The following DMD variants were observed in gnomAD, a reference collection of about 807,000 sequenced individuals.
DMD encodes mutant dystrophin.
Under a neutral mutation model 330.1 loss-of-function variants are expected in DMD, and 63 were observed. The ratio of observed to expected loss-of-function variants is 0.19; its 90% confidence interval spans 0.16 to 0.24. The LOEUF is 0.24. Among genes scored for constraint, DMD ranks in the 10% least tolerant of loss-of-function variants. The pLI is 1.00. For missense variants in DMD, 3,344 were observed against 2,684.1 expected (o/e 1.25, Z -5.43); for synonymous variants, 1,223 against 959.8 (o/e 1.27, Z -5.07).
chrX:31,363,372 CTTTTTTTTTTT>C (rs752548187), intron 60 of DMD, among the ~76,000 whole-genome samples: 5 of 51,881 alleles, frequency 9.6e-5, no homozygotes, highest in South Asian at 1.3e-3. Flanking sequence ...AGACATGTAT[CTTTTTTTTTTT>C]TTTTTTTTTT....
chrX:33,299,015 G>A (rs1392686854), intron 1 of DMD, among the ~76,000 whole-genome samples: 1 of 111,481 alleles, frequency 9.0e-6, no homozygotes, highest in African/African-American at 3.3e-5. Context: ...CAACTTCACA[G>A]AATATATTTC....
At chrX:33,146,717 T>C (rs953602772) in intron 1 of DMD, among the ~76,000 whole-genome samples, 2 of 112,201 alleles carry the variant, frequency 1.8e-5, no homozygotes, top group African/African-American at 3.2e-5. Context: ...TGGATGCAGA[T>C]AATTAACATC....
intron 63 of DMD, among the ~76,000 whole-genome samples, chrX:31,252,266 T>C (rs894108473): frequency 3.6e-5 from 4 of 112,374 alleles, no homozygotes; most frequent in Non-Finnish European, 7.5e-5. Context: ...GTAAATCTCC[T>C]GTGCTAATTT....
chrX:32,874,781 G>GC (rs1489684413), intron 2 of DMD, among the ~76,000 whole-genome samples: 1 of 111,466 alleles, frequency 9.0e-6, no homozygotes, highest in Non-Finnish European at 1.9e-5. Context: ...CACTCTGGGA[G>GC]CCCTAAGATG....
chrX:32,855,640 T>C (rs1287989485), intron 2 of DMD, among the ~76,000 whole-genome samples: 6 of 111,804 alleles, frequency 5.4e-5, no homozygotes, highest in Non-Finnish European at 9.4e-5. Flanking sequence ...GACCCTTATC[T>C]CTCGCCATAT....
chrX:31,135,786 C>A (rs2035145378), intron 76 of DMD, among the ~76,000 whole-genome samples: 1 of 112,461 alleles, frequency 8.9e-6, no homozygotes, highest in African/African-American at 3.2e-5. Flanking sequence ...TATTCAAGCT[C>A]TGTTTGTTTT....
rs144620823 is a variant in DMD, at chrX:31,560,056, A to G, written c.8218-52603T>C. On this transcript the variant is annotated intron_variant, in intron 55 of 78. Transcript: ENST00000357033. ...TAGCTCCTACAGGAAACACTTCATA[A>G]GTGTTGTTTTCTGTTAGATATCCTG... Among the ~76,000 whole-genome samples the G allele has an allele frequency of 7.5e-3, 840 of 111,876 alleles. 10 individuals are homozygous for G. Among genetic ancestry groups the G allele is most frequent in the African/African-American group, 0.025 (775 of 30,785 alleles).
intron 1 of DMD, among the ~76,000 whole-genome samples, chrX:33,194,240 C>A (rs1248921022): frequency 9.1e-6 from 1 of 110,265 alleles, no homozygotes. Flanking sequence ...CTACTCTTTT[C>A]CATTTCTCAA....
chrX:32,962,856 A>T (rs1444439554), intron 2 of DMD, among the ~76,000 whole-genome samples: 2 of 111,393 alleles, frequency 1.8e-5, no homozygotes, highest in Non-Finnish European at 3.8e-5. Flanking sequence ...GGACAAAATG[A>T]ATTTGAACCA....
At chrX:32,744,840 G>A (rs1321086393) in intron 7 of DMD, among the ~76,000 whole-genome samples, 1 of 111,851 alleles carries the variant, frequency 8.9e-6, no homozygotes, top group South Asian at 3.7e-4. Context: ...TCTCAAATAC[G>A]TATGATTTTA....
chrX:33,002,386 G>A (rs771268850), intron 2 of DMD, among the ~76,000 whole-genome samples: 3 of 111,028 alleles, frequency 2.7e-5, no homozygotes, highest in Admixed American at 1.9e-4. Flanking sequence ...CCCAGATAAA[G>A]AAAATCTTCT....
intron 2 of DMD, among the ~76,000 whole-genome samples, chrX:33,010,204 G>GTACATA (rs1569549263): frequency 5.3e-4 from 48 of 89,729 alleles, no homozygotes; most frequent in Middle Eastern, 6.3e-3. Context: ...ATATGCATAT[G>GTACATA]TGTGTGTATA....
chrX:33,267,708 A>C (rs764930334), intron 1 of DMD, among the ~76,000 whole-genome samples: 4 of 110,983 alleles, frequency 3.6e-5, no homozygotes, highest in Non-Finnish European at 3.8e-5. Context: ...AGAAACAGAC[A>C]TATAGACCAA....
intron 30 of DMD, among the ~76,000 whole-genome samples, chrX:32,411,467 T>A (rs2098141751): frequency 9.0e-6 from 1 of 111,672 alleles, no homozygotes; most frequent in African/African-American, 3.3e-5. Flanking sequence ...CCTATGGTTT[T>A]ACTCTAGCTT....
intron 67 of DMD, among the ~76,000 whole-genome samples, chrX:31,185,781 T>C (rs1031042032): frequency 9.0e-6 from 1 of 110,778 alleles, no homozygotes; most frequent in African/African-American, 3.3e-5. Flanking sequence ...TTTGTTTTTT[T>C]TTTTTACCAC....
intron 7 of DMD, among the ~76,000 whole-genome samples, chrX:32,725,470 C>CA (rs763312050): frequency 2.6e-3 from 285 of 110,198 alleles, no homozygotes; most frequent in Middle Eastern, 4.8e-3. Flanking sequence ...CAATGGAAAC[C>CA]AAAAAACAGC....
chrX:32,253,020 C>A (rs1158410896), intron 43 of DMD, among the ~76,000 whole-genome samples: 2 of 93,576 alleles, frequency 2.1e-5, no homozygotes, highest in Non-Finnish European at 4.1e-5. Flanking sequence ...TAAAACTTTC[C>A]CGATCGATTA....
intron 60 of DMD, among the ~76,000 whole-genome samples, chrX:31,350,655 G>GA (rs1281151459): frequency 4.9e-5 from 4 of 80,962 alleles, no homozygotes; most frequent in African/African-American, 4.5e-5. Flanking sequence ...GAGAGAGAGA[G>GA]AGAGAAGAGA....
intron 44 of DMD, among the ~76,000 whole-genome samples, chrX:32,178,207 T>A (rs1439694035): frequency 9.2e-6 from 1 of 108,778 alleles, no homozygotes; most frequent in Admixed American, 1.0e-4. Context: ...TTTTTTTTTT[T>A]TTTACAACTA....
Sources: gnomAD v4.1 joint callset for allele counts (sites outside exome capture counted in the v4.1 genomes callset) on GRCh38, gnomAD v4.1.1 for gene constraint, MANE v1.5 for transcripts, NCBI Gene and HGNC (gene_info 2026-07-23, HGNC 2026-07-21) for gene names.